INHBE: variants seen among roughly 807,000 people sequenced by gnomAD.
The protein encoded by INHBE is inhibin beta E chain.
INHBE carries 19 observed loss-of-function variants against 27.8 expected under a neutral mutation model. That is an observed-to-expected ratio of 0.68 (90% CI 0.48 to 1.00). The LOEUF (loss-of-function observed/expected upper bound fraction) is 1.00. Among genes scored for constraint, INHBE ranks in the 50% least tolerant of loss-of-function variants. The pLI is 0.00. For synonymous variants in INHBE, 196 were observed against 187.2 expected, an observed-to-expected ratio of 1.05 and a Z score of -0.38; for missense variants, 398 against 433.9, an observed-to-expected ratio of 0.92 and a Z score of 0.73.
Position 57,456,640 on chromosome 12 carries a change from C to T in INHBE, c.845C>T (p.Pro282Leu), listed in dbSNP as rs533795674. 8 of 1,614,228 alleles carry T rather than the reference C, an allele frequency of 5.0e-6. No homozygotes were observed. The South Asian group carries it at 5.5e-5, about 11-fold the overall frequency. Residue 282 changes from proline to leucine, a missense_variant, in exon 2 of 2, where the codon CCC (proline) becomes CTC (leucine). Physicochemically the swap from Pro to Leu is moderately conservative, Grantham distance 98. Transcript: ENST00000266646. The part of the protein sequence containing the change: ...QLNYCSGQCP[P>L]HLAGSPGIAA... ...AATTACTGCAGTGGGCAGTGCCCTC[C>T]CCACCTGGCTGGCAGCCCAGGCATT...
In INHBE at chr12:57,456,982, C is replaced by T; in HGVS notation, c.*134C>T. 1 of 1,019,554 alleles carries T rather than the reference C, an allele frequency of 9.8e-7. No individual in the cohort carries two copies. Among genetic ancestry groups the T allele is most frequent in the Non-Finnish European group, 1.4e-6 (1 of 706,658 alleles). 63.2% of individuals were successfully genotyped at this position (1,019,554 alleles called of 1,614,324 possible). Reference sequence around the variant, plus strand: ...CCACCTGGCAATATGACTCACTTGACCCCTATGGGACCCAAATGGGCACTT... The same window carrying T: ...CCACCTGGCAATATGACTCACTTGATCCCTATGGGACCCAAATGGGCACTT... On this transcript the variant is annotated 3_prime_UTR_variant, in exon 2 of 2. Transcript: ENST00000266646.
chr12:57,455,658 C>T lies in INHBE; in HGVS notation c.122C>T (p.Ala41Val). The change falls in exon 1 of 2, where the codon GCT becomes GTT. Residue 41 changes from alanine to valine, a missense_variant. Physicochemically the swap from Ala to Val is moderately conservative, Grantham distance 64. Coordinates refer to ENST00000266646, the MANE Select transcript of INHBE (RefSeq NM_031479.5). ...GSKLAPQAER[A>V]LVLELAKQQI... is the part of the protein sequence containing the mutation. The stretch of plus-strand genomic sequence containing the variant: ...AAACTGGCACCCCAAGCAGAACGAG[C>T]TCTGGTGCTGGAGCTAGCCAAGCAG... The T allele has an allele frequency of 6.2e-7, 1 of 1,614,134 alleles. No individual in the cohort carries two copies. The highest frequency in any genetic ancestry group is 8.5e-7 in the Non-Finnish European group (1 of 1,180,012).
Position 57,456,456 on chromosome 12 carries a change from C to T in INHBE, c.661C>T (p.Leu221Phe). ...TAGHQQPFLELKIRANEPGAG... is the reference protein window; with the variant it reads ...TAGHQQPFLEFKIRANEPGAG... ...AGGACACCAGCAGCCCTTCCTAGAG[C>T]TTAAGATCCGAGCCAATGAGCCTGG... Residue 221 changes from leucine (L) to phenylalanine (F), a missense_variant, in exon 2 of 2, where the codon CTT becomes TTT. Physicochemically the swap from Leu to Phe is conservative, Grantham distance 22 (BLOSUM62 0). Coordinates refer to ENST00000266646, the MANE Select transcript of INHBE (RefSeq NM_031479.5). The T allele has an allele frequency of 6.2e-7, 1 of 1,614,150 alleles. No individual in the cohort carries two copies. Among genetic ancestry groups the T allele is most frequent in the Middle Eastern group, 1.6e-4 (1 of 6,062 alleles).
At position 57,455,461 on chromosome 12, in the gene INHBE, G is replaced by C; in HGVS notation, c.-76G>C. 6.9e-7 allele frequency: 1 copy of C among 1,441,556 alleles called. No individual in the cohort carries two copies. The highest frequency in any genetic ancestry group is 9.4e-7 in the Non-Finnish European group (1 of 1,059,246). The allele number at this position is 1,441,556 out of a possible 1,614,324, so 89.3% of individuals were successfully genotyped here. A position where few individuals can be genotyped will look rare whatever the true frequency, so the allele number is the denominator to read the frequency against. Reference sequence around the variant, plus strand: ...TGTCTGCTGTCACTGTGCCCTCATTGGCCCCCAGCAATCAGACTCAACAGA... The same window carrying C: ...TGTCTGCTGTCACTGTGCCCTCATTCGCCCCCAGCAATCAGACTCAACAGA... On this transcript the variant is annotated 5_prime_UTR_variant, in exon 1 of 2. Transcript: ENST00000266646.
chr12:57,456,226 G>C lies in INHBE; in HGVS notation c.431G>C (p.Arg144Pro). The change falls in exon 2 of 2, where the codon CGA becomes CCA. Residue 144 changes from arginine (R) to proline (P), a missense_variant. By Grantham distance (103) the Arg-to-Pro change is moderately radical (BLOSUM62 -2). Transcript: ENST00000266646. The part of the protein sequence containing the change: ...LPGTLCLRIF[R>P]WGPRRRRQGS... ...GGCACTCTTTGCTTGAGGATCTTCC[G>C]ATGGGGACCAAGGAGGAGGCGCCAA... 9 of 1,614,084 alleles carry C rather than the reference G, an allele frequency of 5.6e-6. No individual in the cohort carries two copies. Among genetic ancestry groups the C allele is most frequent in the Non-Finnish European group, 6.8e-6 (8 of 1,180,010 alleles).
In INHBE at chr12:57,457,784, T is replaced by C. The variant is rs1442166745; in HGVS notation, c.*936T>C. 1 of 152,212 alleles carries C rather than the reference T, an allele frequency of 6.6e-6. No individual in the cohort carries two copies. Among genetic ancestry groups the C allele is most frequent in the Non-Finnish European group, 1.5e-5 (1 of 68,036 alleles). 9.4% of individuals were successfully genotyped at this position (152,212 alleles called of 1,614,324 possible). On this transcript the variant is annotated 3_prime_UTR_variant, in exon 2 of 2. Coordinates refer to ENST00000266646, the MANE Select transcript of INHBE (RefSeq NM_031479.5). The stretch of plus-strand genomic sequence containing the variant: ...AAAGAAAATCAACAAATGTGAGTCA[T>C]AAAGAAGGGTTAGGGTGATGGTCCA...
In INHBE at chr12:57,456,168, C is replaced by T. The variant is rs367736143; in HGVS notation, c.373C>T (p.Arg125Cys). Reference sequence around the variant, plus strand: ...TCGGTCCCACCACCTGTACCATGCCCGCCTGTGGCTGCACGTGCTCCCCAC... The same window carrying T: ...TCGGTCCCACCACCTGTACCATGCCTGCCTGTGGCTGCACGTGCTCCCCAC... Reference protein sequence around the residue: ...TPRSHHLYHARLWLHVLPTLP... With the variant: ...TPRSHHLYHACLWLHVLPTLP... Residue 125 changes from arginine (R) to cysteine (C), a missense_variant, in exon 2 of 2, where the codon CGC becomes TGC. Physicochemically the swap from Arg to Cys is radical, Grantham distance 180. Transcript: ENST00000266646. 7.4e-6 allele frequency: 12 copies of T among 1,614,012 alleles called. No individual in the cohort carries two copies. The highest frequency in any genetic ancestry group is 6.7e-5 in the African/African-American group (5 of 74,888).
In INHBE at chr12:57,455,468, A is replaced by C. The variant is rs1594734048; in HGVS notation, c.-69A>C. 1 of 1,486,682 alleles carries C rather than the reference A, an allele frequency of 6.7e-7. No individual in the cohort carries two copies. The highest frequency in any genetic ancestry group is 9.1e-7 in the Non-Finnish European group (1 of 1,097,910). The allele number at this position is 1,486,682 out of a possible 1,614,324, so 92.1% of individuals were successfully genotyped here. ...TGTCACTGTGCCCTCATTGGCCCCC[A>C]GCAATCAGACTCAACAGACGGAGCA... On this transcript the variant is annotated 5_prime_UTR_variant, in exon 1 of 2. Coordinates refer to ENST00000266646, the MANE Select transcript of INHBE (RefSeq NM_031479.5).
chr12:57,456,469 C>G lies in INHBE; in HGVS notation c.674C>G (p.Ala225Gly), dbSNP rs1213141936. ...QQPFLELKIR[A>G]NEPGAGRARR... ...CCCTTCCTAGAGCTTAAGATCCGAG[C>G]CAATGAGCCTGGAGCAGGCCGGGCC... is the stretch of plus-strand genomic sequence containing the variant. The change falls in exon 2 of 2, where the codon GCC becomes GGC. Residue 225 changes from alanine to glycine, a missense_variant. Coordinates refer to ENST00000266646, the MANE Select transcript of INHBE (RefSeq NM_031479.5). 1 of 1,614,120 alleles carries G rather than the reference C, an allele frequency of 6.2e-7. No individual in the cohort carries two copies.
rs748327531 is a variant in INHBE, at chr12:57,456,768, C to T, written c.973C>T (p.Leu325Phe). The T allele has an allele frequency of 6.8e-6, 11 of 1,614,262 alleles. No individual in the cohort carries two copies. Among genetic ancestry groups the T allele is most frequent in the Admixed American group, 6.7e-5 (4 of 60,028 alleles). The part of the protein sequence containing the change: ...CVPTARRPLS[L>F]LYLDHNGNVV... ...CCCTACTGCCCGAAGGCCCCTCTCT[C>T]TCCTCTACCTGGATCATAATGGCAA... The change falls in exon 2 of 2, where the codon CTC (leucine) becomes TTC (phenylalanine). Residue 325 changes from leucine to phenylalanine, a missense_variant. Transcript: ENST00000266646.
chr12:57,457,236 G>C lies in INHBE; in HGVS notation c.*388G>C. On this transcript the variant is annotated 3_prime_UTR_variant, in exon 2 of 2. Transcript: ENST00000266646. ...GAGGAGGAAGCAGATAGATGGTCCA[G>C]CAGGCTTGAAGCAGGGTAAGCAGGC... 1 of 197,604 alleles carries C rather than the reference G, an allele frequency of 5.1e-6. No homozygotes were observed. 12.2% of individuals were successfully genotyped at this position (197,604 alleles called of 1,614,324 possible). A position where few individuals can be genotyped will look rare whatever the true frequency, so the allele number is the denominator to read the frequency against.
chr12:57,455,720 A>C lies in INHBE; in HGVS notation c.184A>C (p.Arg62=). The C allele has an allele frequency of 6.2e-7, 1 of 1,614,076 alleles. No homozygotes were observed. The highest frequency in any genetic ancestry group is 8.5e-7 in the Non-Finnish European group (1 of 1,179,972). ...TGGGTTGCACCTGACCAGTCGTCCC[A>C]GAATAACTCATCCTCCACCCCAGGC... The part of the protein sequence containing the change: ...LDGLHLTSRP[R]ITHPPPQAAL... Residue 62 remains arginine, a synonymous_variant, in exon 1 of 2, where the codon AGA becomes CGA. Transcript: ENST00000266646.
rs755152651 is a variant in INHBE, at chr12:57,458,023, G to C, written c.*1175G>C. 1 of 152,122 alleles carries C rather than the reference G, an allele frequency of 6.6e-6. No individual in the cohort carries two copies. The highest frequency in any genetic ancestry group is 1.5e-5 in the Non-Finnish European group (1 of 68,012). 9.4% of individuals were successfully genotyped at this position (152,122 alleles called of 1,614,324 possible). A position where few individuals can be genotyped will look rare whatever the true frequency, so the allele number is the denominator to read the frequency against. Reference sequence around the variant, plus strand: ...ATCATTGTTAATGGAATGTGTGCTTGTATGGTCTTGTGTTACAGTCTTTTT... The same window carrying C: ...ATCATTGTTAATGGAATGTGTGCTTCTATGGTCTTGTGTTACAGTCTTTTT... On this transcript the variant is annotated 3_prime_UTR_variant, in exon 2 of 2. Transcript: ENST00000266646.
rs774037311 is a variant in INHBE, at chr12:57,456,139, C to G, written c.344C>G (p.Thr115Ser). The G allele has an allele frequency of 1.2e-6, 2 of 1,613,808 alleles. No individual in the cohort carries two copies. Among genetic ancestry groups the G allele is most frequent in the African/African-American group, 1.3e-5 (1 of 74,908 alleles). ...YSSLLTFHLS[T>S]PRSHHLYHAR... The stretch of plus-strand genomic sequence containing the variant: ...TCCCTGCTCACTTTTCACCTGTCCA[C>G]TCCTCGGTCCCACCACCTGTACCAT... The change falls in exon 2 of 2, where the codon ACT becomes AGT. Residue 115 changes from threonine (T) to serine (S), a missense_variant. Thr to Ser is a moderately conservative substitution (Grantham distance 58). Coordinates refer to ENST00000266646, the MANE Select transcript of INHBE (RefSeq NM_031479.5).
At position 57,456,806 on chromosome 12, in the gene INHBE, G is replaced by C; in HGVS notation, c.1011G>C (p.Thr337=). 6.2e-7 allele frequency: 1 copy of C among 1,613,974 alleles called. No individual in the cohort carries two copies. Among genetic ancestry groups the C allele is most frequent in the Non-Finnish European group, 8.5e-7 (1 of 1,179,908 alleles). Residue 337 remains threonine, a synonymous_variant, in exon 2 of 2, where the codon ACG becomes ACC. Transcript: ENST00000266646. ...ATCATAATGGCAATGTGGTCAAGAC[G>C]GATGTGCCAGATATGGTGGTGGAGG... ...YLDHNGNVVK[T]DVPDMVVEAC...
chr12:57,455,870 C>A, intron 1 of INHBE, 36 bp downstream of exon 1: 1 of 1,591,666 alleles, frequency 6.3e-7, no homozygotes, highest in Non-Finnish European at 8.6e-7. Context: ...AAAGAGCAGA[C>A]AGGGAAAGGG....
chr12:57,456,823 T>C lies in INHBE; in HGVS notation c.1028T>C (p.Val343Ala). 6.2e-7 allele frequency: 1 copy of C among 1,612,970 alleles called. No homozygotes were observed. The highest frequency in any genetic ancestry group is 2.2e-5 in the East Asian group (1 of 44,800). ...GTCAAGACGGATGTGCCAGATATGG[T>C]GGTGGAGGCCTGTGGCTGCAGCTAG... is the stretch of plus-strand genomic sequence containing the variant. ...NVVKTDVPDM[V>A]VEACGCS The change falls in exon 2 of 2, where the codon GTG (valine) becomes GCG (alanine). Residue 343 changes from valine to alanine, a missense_variant. By Grantham distance (64) the Val-to-Ala change is moderately conservative (BLOSUM62 0). Coordinates refer to ENST00000266646, the MANE Select transcript of INHBE (RefSeq NM_031479.5).
At position 57,456,477 on chromosome 12, in the gene INHBE, C is replaced by G. The variant is rs1032265309; in HGVS notation, c.682C>G (p.Pro228Ala). 4 of 1,614,138 alleles carry G rather than the reference C, an allele frequency of 2.5e-6. No individual in the cohort carries two copies. Among genetic ancestry groups the G allele is most frequent in the Non-Finnish European group, 3.4e-6 (4 of 1,180,022 alleles). Residue 228 changes from proline to alanine, a missense_variant, in exon 2 of 2, where the codon CCT becomes GCT. Transcript: ENST00000266646. ...AGAGCTTAAGATCCGAGCCAATGAG[C>G]CTGGAGCAGGCCGGGCCAGGAGGAG... ...FLELKIRANE[P>A]GAGRARRRTP...
chr12:57,455,364 T>G lies in INHBE; in HGVS notation c.-173T>G. ...CAGCTATCCATCAGATGATCTACTT[T>G]CAGCCTTCCTGAGTCCCAGACAATA... On this transcript the variant is annotated 5_prime_UTR_variant, in exon 1 of 2. Transcript: ENST00000266646. 1 of 623,348 alleles carries G rather than the reference T, an allele frequency of 1.6e-6. No homozygotes were observed. The highest frequency in any genetic ancestry group is 2.8e-6 in the Non-Finnish European group (1 of 355,630). The allele number at this position is 623,348 out of a possible 1,614,324, so 38.6% of individuals were successfully genotyped here.
Sources: gnomAD v4.1 joint callset for allele counts on GRCh38, gnomAD v4.1.1 for gene constraint, MANE v1.5 for transcripts, NCBI Gene and HGNC (gene_info 2026-07-23, HGNC 2026-07-21) for gene names.